Variants in PCGF6 observed in about 807,000 individuals in gnomAD.
PCGF6 encodes the protein polycomb group ring finger 6, also known as polycomb group RING finger protein 6.
Under a neutral mutation model 45.5 loss-of-function variants are expected in PCGF6, and 24 were observed. The ratio of observed to expected loss-of-function variants is 0.53; its 90% CI spans 0.38 to 0.74. The LOEUF is 0.74. Among genes scored for constraint, PCGF6 ranks in the 30% least tolerant of loss-of-function variants. PCGF6 has a pLI of 0.00. For missense variants in PCGF6, 356 were observed against 443.2 expected (o/e 0.80, Z 1.77); for synonymous variants, 152 against 162.1 (o/e 0.94, Z 0.47).
At chr10:103,349,092 A>C (rs1479951016) in intron 1 of PCGF6, 93 bp from the exon 2 acceptor site, 4 of 1,070,084 alleles carry the variant, frequency 3.7e-6, no homozygotes, top group Non-Finnish European at 4.1e-6. Flanking sequence ...TCTGTAGCCC[A>C]AGCTGAGTGC....
chr10:103,330,046 G>A (rs1488617241), intron 7 of PCGF6, among the ~76,000 whole-genome samples: 2 of 151,796 alleles, frequency 1.3e-5, no homozygotes, highest in Admixed American at 6.6e-5. Flanking sequence ...GGGATTACAG[G>A]TGTGAGCCAC....
chr10:103,329,989 T>G (rs2133578992), intron 7 of PCGF6, among the ~76,000 whole-genome samples: 1 of 145,484 alleles, frequency 6.9e-6, no homozygotes, highest in East Asian at 2.1e-4. Context: ...CAGGATGGTA[T>G]CGATCTCCTG....
rs573416291 is a variant in PCGF6 at position 103,329,825 on chromosome 10, C to CTGCA, written c.811-3197_811-3194dup. On this transcript the variant is annotated intron_variant, in intron 7 of 9. Coordinates refer to ENST00000369847, the MANE Select transcript of PCGF6 (RefSeq NM_001011663.2). The stretch of plus-strand genomic sequence containing the variant: ...AGACAGTCTCGCTCTGTCGCCTGGG[C>CTGCA]TGCAGTGCAGTGGCACGATCTTGGC... Among the ~76,000 whole-genome samples, 952 of 150,702 alleles carry CTGCA rather than the reference C, an allele frequency of 6.3e-3. 11 individuals are homozygous for CTGCA. Among genetic ancestry groups the CTGCA allele is most frequent in the African/African-American group, 0.022 (905 of 40,944 alleles).
At chr10:103,343,887 G>A (rs1478758975) in intron 6 of PCGF6, among the ~76,000 whole-genome samples, 2 of 122,952 alleles carry the variant, frequency 1.6e-5, no homozygotes, top group Admixed American at 8.6e-5. Context: ...ATCAGGTAAA[G>A]TTGAAGAGGA....
chr10:103,334,380 T>C (rs1435631410), intron 6 of PCGF6, among the ~76,000 whole-genome samples: 2 of 152,130 alleles, frequency 1.3e-5, no homozygotes, highest in African/African-American at 2.4e-5. Flanking sequence ...TGAGAACATT[T>C]AGGATCTACT....
Position 103,350,730 on chromosome 10 carries a change from G to C in PCGF6, c.337C>G (p.Gln113Glu). ...ACCTCCTCCTCGTCCTCCGAGTCCTGCCGGCCTCCCTCCAGCCTCAACGAG... is the reference window on the plus strand; with the variant it reads ...ACCTCCTCCTCGTCCTCCGAGTCCTCCCGGCCTCCCTCCAGCCTCAACGAG... ...HFSLRLEGGR[Q>E]DSEDEEERLI... The change falls in exon 1 of 10, where the codon CAG (glutamine) becomes GAG (glutamate). Residue 113 changes from glutamine (Q) to glutamate (E), a missense_variant. Gln to Glu is a conservative substitution (Grantham distance 29). Coordinates refer to ENST00000369847, the MANE Select transcript of PCGF6 (RefSeq NM_001011663.2). 11 of 1,541,072 alleles carry C rather than the reference G, an allele frequency of 7.1e-6. No individual in the cohort carries two copies. The highest frequency in any genetic ancestry group is 8.8e-6 in the Non-Finnish European group (10 of 1,142,420).
intron 7 of PCGF6, among the ~76,000 whole-genome samples, chr10:103,327,996 A>G (rs2093225619): frequency 6.6e-6 from 1 of 152,018 alleles, no homozygotes; most frequent in East Asian, 1.9e-4. Context: ...TTTTAAGTGA[A>G]AAATAAAAAG....
chr10:103,343,447 A>G (rs915776511), intron 6 of PCGF6, among the ~76,000 whole-genome samples: 1 of 152,096 alleles, frequency 6.6e-6, no homozygotes, highest in South Asian at 2.1e-4. Flanking sequence ...TTTGAAAACT[A>G]GTTTGATACA....
chr10:103,308,517 G>A (rs560635205), intron 9 of PCGF6, among the ~76,000 whole-genome samples: 1 of 151,482 alleles, frequency 6.6e-6, no homozygotes, highest in Admixed American at 6.6e-5. Context: ...TCCTACCTCA[G>A]CCTCCCAAGT....
chr10:103,346,841 T>C (rs1436060094), intron 5 of PCGF6, among the ~76,000 whole-genome samples: 3 of 152,182 alleles, frequency 2.0e-5, no homozygotes, highest in Non-Finnish European at 4.4e-5. Flanking sequence ...TTCATGTCCA[T>C]TCCGTGACAT....
chr10:103,324,804 A>G (rs1356217650), intron 8 of PCGF6, among the ~76,000 whole-genome samples: 1 of 148,034 alleles, frequency 6.8e-6, no homozygotes, highest in African/African-American at 2.5e-5. Flanking sequence ...AATATTACAT[A>G]GCTAGAACAG....
intron 6 of PCGF6, among the ~76,000 whole-genome samples, chr10:103,344,796 C>G (rs909463007): frequency 6.6e-6 from 1 of 152,056 alleles, no homozygotes; most frequent in African/African-American, 2.4e-5. Context: ...TCTCGAACTC[C>G]TGACCTCAGG....
intron 9 of PCGF6, among the ~76,000 whole-genome samples, chr10:103,311,267 G>A (rs990116848): frequency 5.3e-5 from 8 of 151,840 alleles, no homozygotes; most frequent in East Asian, 1.9e-4. Context: ...TCAGCCTCCC[G>A]AGTAGCTGGG....
rs193255918 is a variant in PCGF6 at position 103,325,060 on chromosome 10, G to A, written c.909+1474C>T. Reference sequence around the variant, plus strand: ...TGAGGCAGGAGAATCGCCTGAACCCGGGGGGCGGAAGTTGCAGAGAGCCGA... The same window carrying A: ...TGAGGCAGGAGAATCGCCTGAACCCAGGGGGCGGAAGTTGCAGAGAGCCGA... On this transcript the variant is annotated intron_variant, in intron 8 of 9. Coordinates refer to ENST00000369847, the MANE Select transcript of PCGF6 (RefSeq NM_001011663.2). 7.5e-3 allele frequency among the ~76,000 whole-genome samples: 1,134 copies of A among 151,206 alleles called. 19 individuals are homozygous for A. The highest frequency in any genetic ancestry group is 0.074 in the South Asian group (355 of 4,780).
chr10:103,321,656 G>A (rs2093197968), intron 8 of PCGF6, among the ~76,000 whole-genome samples: 1 of 151,940 alleles, frequency 6.6e-6, no homozygotes, highest in African/African-American at 2.4e-5. Context: ...AGCTTGCAGT[G>A]AGCCGAGATC....
At chr10:103,304,791 G>T (rs2093132176) in intron 9 of PCGF6, among the ~76,000 whole-genome samples, 1 of 152,026 alleles carries the variant, frequency 6.6e-6, no homozygotes, top group Non-Finnish European at 1.5e-5. Flanking sequence ...GAATAGCTGG[G>T]AAAATAGACA....
chr10:103,311,861 G>A (rs1192618658), intron 9 of PCGF6, among the ~76,000 whole-genome samples: 1 of 151,582 alleles, frequency 6.6e-6, no homozygotes, highest in Non-Finnish European at 1.5e-5. Flanking sequence ...GGCTGAGGTG[G>A]GCAGATCACT....
At chr10:103,339,145 T>C (rs1331225596) in intron 6 of PCGF6, among the ~76,000 whole-genome samples, 2 of 152,226 alleles carry the variant, frequency 1.3e-5, no homozygotes, top group Non-Finnish European at 2.9e-5. Flanking sequence ...TGAGGTGCAG[T>C]GGCTCACGCC....
chr10:103,335,908 A>C (rs930378345), intron 6 of PCGF6, among the ~76,000 whole-genome samples: 1 of 151,854 alleles, frequency 6.6e-6, no homozygotes, highest in South Asian at 2.1e-4. Context: ...CGGAGGTTGC[A>C]GTGAGCTGAG....
Sources: allele counts gnomAD v4.1 joint callset (sites outside exome capture counted in the v4.1 genomes callset), GRCh38; gene constraint gnomAD v4.1.1; transcripts MANE v1.5; gene names NCBI Gene and HGNC (gene_info 2026-07-23, HGNC 2026-07-21).